KLF12: variants seen among roughly 807,000 people sequenced by gnomAD.
KLF12 encodes the protein Krueppel-like factor 12.
Under a neutral mutation model 37.8 loss-of-function variants are expected in KLF12, and 9 were observed. The ratio of observed to expected loss-of-function variants is 0.24; its 90% confidence interval spans 0.14 to 0.42. The LOEUF (loss-of-function observed/expected upper bound fraction) is 0.42, where lower values mean the gene tolerates loss of function less well. Ranked by LOEUF, KLF12 falls within the 10% of genes least tolerant of loss-of-function variation. KLF12 has a pLI of 1.00. For missense variants in KLF12, 411 were observed against 516.0 expected, an observed-to-expected ratio of 0.80 and a Z score of 1.97; for synonymous variants, 208 against 202.1, an observed-to-expected ratio of 1.03 and a Z score of -0.25.
At chr13:73,796,507 CTG>C (rs5804694) in intron 5 of KLF12, among the ~76,000 whole-genome samples, 30,895 of 140,052 alleles carry the variant, frequency 0.22, 3,709 homozygotes, top group East Asian at 0.42. Context: ...TGCCCCTGTG[CTG>C]TGTGTGTGTG....
At chr13:74,180,970 A>G in the KLF12 span, among the ~76,000 whole-genome samples, 1 of 152,052 alleles carries the variant, frequency 6.6e-6, no homozygotes, top group Non-Finnish European at 1.5e-5. Context: ...AGGTCCTTTG[A>G]TTATATTAGA....
chr13:73,830,259 G>A (rs9318222), intron 4 of KLF12, among the ~76,000 whole-genome samples: 1 of 151,968 alleles, frequency 6.6e-6, no homozygotes, highest in Non-Finnish European at 1.5e-5. Context: ...CTTCCAGAAC[G>A]TGACAGAAAA....
the KLF12 span, among the ~76,000 whole-genome samples, chr13:74,217,831 T>C: frequency 6.6e-6 from 1 of 152,256 alleles, no homozygotes; most frequent in African/African-American, 2.4e-5. Flanking sequence ...ATTCATATGC[T>C]AGATATTCTT....
Position 74,051,470 on chromosome 13 carries a change from G to T in KLF12, c.-31-56417C>A, listed in dbSNP as rs186116609. On this transcript the variant is annotated intron_variant, in intron 1 of 7. Transcript: ENST00000377669. ...AAGTATGCTTGGGTGGTGGTGCGAG[G>T]AGGGGCATGAAACAGGAAGAAGAGT... 2.4e-3 allele frequency among the ~76,000 whole-genome samples: 370 copies of T among 152,190 alleles called. 4 individuals carry two copies. Among genetic ancestry groups the T allele is most frequent in the African/African-American group, 8.2e-3 (341 of 41,522 alleles).
chr13:73,839,258 A>AT (rs768668350), intron 4 of KLF12, among the ~76,000 whole-genome samples: 52,397 of 112,882 alleles, frequency 0.46, 10,256 homozygotes, highest in Non-Finnish European at 0.54. Flanking sequence ...ATACCTGGTT[A>AT]TTTTTTTTTT....
intron 6 of KLF12, among the ~76,000 whole-genome samples, chr13:73,729,163 C>G (rs1322709727): frequency 6.6e-6 from 1 of 152,194 alleles, no homozygotes; most frequent in Non-Finnish European, 1.5e-5. Flanking sequence ...AATACACAGA[C>G]CTGGCCCATC....
intron 2 of KLF12, among the ~76,000 whole-genome samples, chr13:73,968,151 A>G (rs1048819771): frequency 1.3e-5 from 2 of 152,186 alleles, no homozygotes; most frequent in African/African-American, 4.8e-5. Flanking sequence ...AACTTCAACT[A>G]TCTCTCAAGG....
the KLF12 span, among the ~76,000 whole-genome samples, chr13:74,262,491 T>G: frequency 1.3e-5 from 2 of 152,236 alleles, no homozygotes; most frequent in Admixed American, 6.5e-5. Flanking sequence ...TGATATAAAA[T>G]GGAGTGGTAC....
intron 3 of KLF12, among the ~76,000 whole-genome samples, chr13:73,886,947 C>A (rs1887250908): frequency 6.6e-6 from 1 of 151,110 alleles, no homozygotes; most frequent in Non-Finnish European, 1.5e-5. Context: ...AGCTGAGATC[C>A]CGCCATTGTA....
At chr13:73,854,691 G>C (rs565726920) in intron 3 of KLF12, among the ~76,000 whole-genome samples, 27 of 152,224 alleles carry the variant, frequency 1.8e-4, no homozygotes, top group African/African-American at 6.5e-4. Flanking sequence ...ATATAAAATG[G>C]CACAGTATTT....
intron 6 of KLF12, among the ~76,000 whole-genome samples, chr13:73,718,020 GA>G (rs1192444830): frequency 2.0e-5 from 3 of 152,170 alleles, no homozygotes; most frequent in African/African-American, 7.2e-5. Context: ...TTAAAAGTGA[GA>G]AAATGATAGA....
intron 1 of KLF12, among the ~76,000 whole-genome samples, chr13:74,115,557 T>C (rs1877248646): frequency 6.6e-6 from 1 of 151,948 alleles, no homozygotes; most frequent in Non-Finnish European, 1.5e-5. Context: ...ATACAAAAAT[T>C]AGCCAGGCGT....
intron 6 of KLF12, among the ~76,000 whole-genome samples, chr13:73,747,938 A>T (rs1594042842): frequency 6.6e-6 from 1 of 152,362 alleles, no homozygotes; most frequent in East Asian, 1.9e-4. Flanking sequence ...GTATCTATGA[A>T]CTGTGTGAAA....
At chr13:73,741,358 T>C (rs1026392980) in intron 6 of KLF12, among the ~76,000 whole-genome samples, 1 of 152,160 alleles carries the variant, frequency 6.6e-6, no homozygotes, top group Non-Finnish European at 1.5e-5. Flanking sequence ...CCAACAATGC[T>C]GTGAAGACCT....
the KLF12 span, among the ~76,000 whole-genome samples, chr13:74,170,466 A>T: frequency 4.6e-5 from 7 of 152,200 alleles, no homozygotes; most frequent in African/African-American, 1.2e-4. Context: ...ATCCTTCCTC[A>T]AAGGAACTGA....
intron 5 of KLF12, 76 bp from the exon 6 acceptor site, chr13:73,765,076 T>C (rs1879824123): frequency 8.3e-6 from 7 of 841,538 alleles, no homozygotes; most frequent in East Asian, 2.5e-5. Context: ...TGGCATGTTT[T>C]ATAAATAATT....
intron 1 of KLF12, among the ~76,000 whole-genome samples, chr13:74,059,230 T>C (rs1593865269): frequency 6.6e-6 from 1 of 152,348 alleles, no homozygotes; most frequent in East Asian, 1.9e-4. Flanking sequence ...CTATTGTGAA[T>C]AGTGCTGCGA....
chr13:73,977,558 A>T (rs1276906182), intron 2 of KLF12, among the ~76,000 whole-genome samples: 3 of 152,252 alleles, frequency 2.0e-5, no homozygotes, highest in African/African-American at 7.2e-5. Context: ...ATAGGATTGA[A>T]TGACAATACT....
chr13:73,846,228 C>G lies in KLF12; in HGVS notation c.269G>C (p.Arg90Thr), dbSNP rs766290106. 1.2e-6 allele frequency: 2 copies of G among 1,614,134 alleles called. No individual in the cohort carries two copies. The highest frequency in any genetic ancestry group is 3.3e-5 in the Admixed American group (2 of 60,018). The change falls in exon 4 of 8, where the codon AGG (arginine) becomes ACG (threonine). Residue 90 changes from arginine to threonine, a missense_variant. Physicochemically the swap from Arg to Thr is moderately conservative, Grantham distance 71. Around this residue, in one of 2 missense-constraint regions of KLF12, gnomAD observed 351 missense variants for 397.8 expected, o/e 0.88. Transcript: ENST00000377669. ...GGATGAAACGGCAGTAGGGGACGTC[C>G]TGGCTTTGTTTATTGACAAGTCCAC... is the stretch of plus-strand genomic sequence containing the variant.
Sources: gnomAD v4.1 joint callset for allele counts (sites outside exome capture counted in the v4.1 genomes callset) on GRCh38, gnomAD v4.1.1 for gene constraint, gnomAD v4.1.1 regional missense constraint, MANE v1.5 for transcripts, NCBI Gene and HGNC (gene_info 2026-07-23, HGNC 2026-07-21) for gene names.